The following SSH2 variants were observed in gnomAD, a reference collection of about 807,000 sequenced individuals.
The protein encoded by SSH2 is slingshot protein phosphatase 2, also known as protein phosphatase Slingshot homolog 2.
SSH2 carries 37 observed loss-of-function variants against 135.2 expected under a neutral mutation model. The observed-to-expected ratio is 0.27, with a 90% CI of 0.21 to 0.36. The LOEUF (loss-of-function observed/expected upper bound fraction) is 0.36, where lower values mean the gene tolerates loss of function less well. Among genes scored for constraint, SSH2 ranks in the 10% least tolerant of loss-of-function variants. SSH2 has a pLI of 1.00. For missense variants in SSH2, 1,408 were observed against 1,765.3 expected, an observed-to-expected ratio of 0.80 and a Z score of 3.63; for synonymous variants, 628 against 646.2, an observed-to-expected ratio of 0.97 and a Z score of 0.43.
At chr17:29,843,403 A>G (rs549158403) in intron 2 of SSH2, among the ~76,000 whole-genome samples, 2 of 152,154 alleles carry the variant, frequency 1.3e-5, no homozygotes, top group African/African-American at 4.8e-5. Flanking sequence ...AAAAATAAAA[A>G]AAATTAGCCA....
chr17:29,841,297 T>C (rs2043037117), intron 2 of SSH2, among the ~76,000 whole-genome samples: 1 of 152,258 alleles, frequency 6.6e-6, no homozygotes, highest in Non-Finnish European at 1.5e-5. Context: ...ATGTATATTT[T>C]ACTTCAGTAA....
intron 1 of SSH2, among the ~76,000 whole-genome samples, chr17:29,894,976 G>A (rs550498812): frequency 1.4e-3 from 199 of 147,038 alleles, no homozygotes; most frequent in Non-Finnish European, 1.8e-3. Context: ...TATCACATAA[G>A]GCTCTTCATG....
intron 6 of SSH2, among the ~76,000 whole-genome samples, chr17:29,682,662 A>C (rs867978655): frequency 2.0e-5 from 3 of 152,228 alleles, no homozygotes; most frequent in Middle Eastern, 3.4e-3. Context: ...AGATGAAAGA[A>C]GGAAGGAAGG....
intron 1 of SSH2, among the ~76,000 whole-genome samples, chr17:29,914,572 A>C (rs78114031): frequency 1.7e-5 from 1 of 59,696 alleles, no homozygotes; most frequent in Non-Finnish European, 5.3e-5. Context: ...AAAAAAAAAA[A>C]AACAAACAAA....
At position 29,653,783 on chromosome 17, in the gene SSH2, TC is replaced by T. The variant is rs541909817; in HGVS notation, c.1079+1777del. ...TTGTATTTTTAGTAGAGACAGGGTT[TC>T]ACCATGTTAGCCAGGCTGGTCTTGA... On this transcript the variant is annotated intron_variant, in intron 12 of 15. Transcript: ENST00000540801. Among the ~76,000 whole-genome samples, 641 of 152,292 alleles carry T rather than the reference TC, an allele frequency of 4.2e-3. 2 individuals carry two copies. The highest frequency in any genetic ancestry group is 0.01 in the Middle Eastern group (3 of 294).
rs994584023 is a variant in SSH2, at chr17:29,872,157, CAT to C, written c.64-23230_64-23229del. Among the ~76,000 whole-genome samples the C allele has an allele frequency of 2.6e-5, 4 of 152,144 alleles. 1 individual carries two copies. The highest frequency in any genetic ancestry group is 4.1e-4 in the South Asian group (2 of 4,822). The stretch of plus-strand genomic sequence containing the variant: ...TAAATTGTTTCTTTTGTATTATGCA[CAT>C]GTTTGTTTTTAAACTAACTCCAGCT... On this transcript the variant is annotated intron_variant, in intron 1 of 15. Transcript: ENST00000540801.
At chr17:29,812,644 A>C (rs1222384963) in intron 2 of SSH2, among the ~76,000 whole-genome samples, 2 of 152,134 alleles carry the variant, frequency 1.3e-5, no homozygotes, top group Non-Finnish European at 2.9e-5. Flanking sequence ...TAATCCCAGC[A>C]CTTTGGGACA....
At chr17:29,783,989 C>G (rs1364190504) in intron 3 of SSH2, among the ~76,000 whole-genome samples, 1 of 130,640 alleles carries the variant, frequency 7.7e-6, no homozygotes, top group Non-Finnish European at 1.6e-5. Context: ...TGGCGTGAAC[C>G]CGGGAGGCGG....
chr17:29,845,717 G>A (rs955936690), intron 2 of SSH2, among the ~76,000 whole-genome samples: 1 of 151,628 alleles, frequency 6.6e-6, no homozygotes, highest in Non-Finnish European at 1.5e-5. Context: ...GTGCCACCAT[G>A]CCCGGCTAAT....
intron 7 of SSH2, 105 bp from the exon 8 acceptor site, chr17:29,676,990 G>T: frequency 1.1e-6 from 1 of 887,374 alleles, no homozygotes; most frequent in Non-Finnish European, 1.8e-6. Flanking sequence ...TGGCTCCGTA[G>T]AGGGAATCAT....
chr17:29,859,490 CTA>C (rs937721016), intron 1 of SSH2, among the ~76,000 whole-genome samples: 2 of 152,142 alleles, frequency 1.3e-5, no homozygotes, highest in Non-Finnish European at 2.9e-5. Flanking sequence ...GTGTTCCCCT[CTA>C]TGTGTCCATG....
chr17:29,761,843 A>ATGTGTGTGTGTGTGTGTGTGTG (rs752691137), intron 3 of SSH2, among the ~76,000 whole-genome samples: 3 of 142,480 alleles, frequency 2.1e-5, no homozygotes, highest in African/African-American at 8.1e-5. Context: ...TCACATACAT[A>ATGTGTGTGTGTGTGTGTGTGTG]TGTGTGTGTG....
At chr17:29,847,662 G>C (rs1448333844) in intron 2 of SSH2, among the ~76,000 whole-genome samples, 1 of 152,144 alleles carries the variant, frequency 6.6e-6, no homozygotes, top group Non-Finnish European at 1.5e-5. Flanking sequence ...CTTGTTTTCT[G>C]GTCACAACAC....
At chr17:29,690,229 C>A (rs1328494652) in intron 5 of SSH2, among the ~76,000 whole-genome samples, 1 of 151,604 alleles carries the variant, frequency 6.6e-6, no homozygotes, top group Non-Finnish European at 1.5e-5. Flanking sequence ...TATGGAGAAA[C>A]CCGGTCTCTC....
chr17:29,662,668 C>A (rs936890557), intron 11 of SSH2, among the ~76,000 whole-genome samples: 1 of 152,018 alleles, frequency 6.6e-6, no homozygotes, highest in African/African-American at 2.4e-5. Context: ...GGTACATATG[C>A]AGGTTTGTTA....
intron 2 of SSH2, among the ~76,000 whole-genome samples, chr17:29,808,077 GC>G (rs1226572354): frequency 2.0e-5 from 3 of 152,148 alleles, no homozygotes; most frequent in Non-Finnish European, 4.4e-5. Flanking sequence ...AGAGTCTTTA[GC>G]TAGCAGATCA....
At chr17:29,755,540 G>C (rs1372903861) in intron 3 of SSH2, among the ~76,000 whole-genome samples, 2 of 151,958 alleles carry the variant, frequency 1.3e-5, no homozygotes, top group Non-Finnish European at 2.9e-5. Flanking sequence ...AAAGTAATAA[G>C]AGCCTATGAA....
At chr17:29,708,612 CAAAAAAACCGGTTCTTTA>C (rs2039309274) in intron 3 of SSH2, among the ~76,000 whole-genome samples, 1 of 142,414 alleles carries the variant, frequency 7.0e-6, no homozygotes, top group African/African-American at 2.6e-5. Flanking sequence ...AAAAAACAAA[CAAAAAAACCGGTTCTTTA>C]GAAAGGCAGG....
intron 3 of SSH2, among the ~76,000 whole-genome samples, chr17:29,712,761 G>A (rs1450217992): frequency 1.3e-5 from 2 of 152,136 alleles, no homozygotes; most frequent in South Asian, 2.1e-4. Flanking sequence ...CCAAGATCAC[G>A]TCACTGTACT....
Sources: gnomAD v4.1 joint callset for allele counts (sites outside exome capture counted in the v4.1 genomes callset) on GRCh38, gnomAD v4.1.1 for gene constraint, MANE v1.5 for transcripts, NCBI Gene and HGNC (gene_info 2026-07-23, HGNC 2026-07-21) for gene names.